SPAG16: variants seen among roughly 807,000 people sequenced by gnomAD.
The protein encoded by SPAG16 is sperm associated antigen 16.
A neutral mutation model predicts 80.4 loss-of-function variants in SPAG16; 86 were observed. That is an observed-to-expected ratio of 1.07 (90% confidence interval 0.90 to 1.28). SPAG16 has a LOEUF of 1.28. Ranked by LOEUF, SPAG16 falls within the 50% of genes most tolerant of loss-of-function variation. The pLI, the probability that SPAG16 is intolerant of heterozygous loss-of-function variation, is 0.00. For synonymous variants in SPAG16, 294 were observed against 265.9 expected, an observed-to-expected ratio of 1.11 and a Z score of -1.03; for missense variants, 870 against 765.3, an observed-to-expected ratio of 1.14 and a Z score of -1.61.
chr2:213,808,343 G>T (rs913959663), intron 10 of SPAG16, among the ~76,000 whole-genome samples: 5 of 152,090 alleles, frequency 3.3e-5, no homozygotes, highest in African/African-American at 1.2e-4. Flanking sequence ...CGAAAGAACA[G>T]CCACTCGTTT....
At chr2:214,134,370 C>A (rs1040315355) in intron 14 of SPAG16, among the ~76,000 whole-genome samples, 1 of 152,200 alleles carries the variant, frequency 6.6e-6, no homozygotes, top group Non-Finnish European at 1.5e-5. Context: ...CTAGTCTTGA[C>A]AGGCTATTTG....
intron 9 of SPAG16, among the ~76,000 whole-genome samples, chr2:213,478,240 C>A (rs936391565): frequency 1.3e-5 from 2 of 152,078 alleles, no homozygotes; most frequent in Admixed American, 6.6e-5. Flanking sequence ...TGGACTAATA[C>A]AGGGTTGTAT....
chr2:213,971,539 G>A (rs901441341), intron 12 of SPAG16, among the ~76,000 whole-genome samples: 6 of 152,050 alleles, frequency 3.9e-5, no homozygotes, highest in Non-Finnish European at 7.4e-5. Context: ...TAAACGTAGA[G>A]TTTTCAGTGG....
At chr2:214,023,676 G>A (rs1045152734) in intron 13 of SPAG16, among the ~76,000 whole-genome samples, 3 of 151,594 alleles carry the variant, frequency 2.0e-5, no homozygotes, top group Non-Finnish European at 4.4e-5. Context: ...ATGCTATAAG[G>A]CTTTCAAAGA....
At chr2:213,499,025 T>C (rs2125767501) in intron 10 of SPAG16, among the ~76,000 whole-genome samples, 1 of 152,284 alleles carries the variant, frequency 6.6e-6, no homozygotes, top group South Asian at 2.1e-4. Flanking sequence ...ATTTGTGCTT[T>C]AAAATCTTTA....
chr2:214,268,619 G>A (rs1215279681), intron 15 of SPAG16, among the ~76,000 whole-genome samples: 1 of 151,870 alleles, frequency 6.6e-6, no homozygotes, highest in Non-Finnish European at 1.5e-5. Flanking sequence ...GGGGCTGAAA[G>A]AAGAACCAAC....
intron 9 of SPAG16, among the ~76,000 whole-genome samples, chr2:213,461,236 T>C (rs938302166): frequency 4.6e-5 from 7 of 152,214 alleles, no homozygotes; most frequent in Non-Finnish European, 1.0e-4. Flanking sequence ...AATGCAGTTC[T>C]ACATTATTAA....
At chr2:214,071,228 A>G (rs1018099152) in intron 13 of SPAG16, among the ~76,000 whole-genome samples, 2 of 152,132 alleles carry the variant, frequency 1.3e-5, no homozygotes, top group African/African-American at 2.4e-5. Flanking sequence ...AAGATCTTCA[A>G]TAGCATCTCC....
At chr2:213,988,424 A>G (rs2046122288) in intron 12 of SPAG16, among the ~76,000 whole-genome samples, 1 of 152,134 alleles carries the variant, frequency 6.6e-6, no homozygotes, top group Non-Finnish European at 1.5e-5. Context: ...ACTGAATTAA[A>G]TTAGAAATCG....
chr2:213,809,157 T>G (rs2071963486), intron 10 of SPAG16, among the ~76,000 whole-genome samples: 1 of 152,206 alleles, frequency 6.6e-6, no homozygotes, highest in Non-Finnish European at 1.5e-5. Flanking sequence ...GAAGTGGCCT[T>G]GACAGTAAGG....
chr2:213,824,400 T>C (rs1181299698), intron 10 of SPAG16, among the ~76,000 whole-genome samples: 2 of 152,178 alleles, frequency 1.3e-5, no homozygotes, highest in Non-Finnish European at 2.9e-5. Flanking sequence ...CTTTAACCCA[T>C]TTATATTGAT....
chr2:213,468,294 C>G (rs2072820369), intron 9 of SPAG16, among the ~76,000 whole-genome samples: 1 of 150,848 alleles, frequency 6.6e-6, no homozygotes, highest in South Asian at 2.1e-4. Flanking sequence ...AAAGTGTTTC[C>G]TCCTCTATTC....
intron 11 of SPAG16, among the ~76,000 whole-genome samples, chr2:213,882,112 G>T (rs2076366350): frequency 1.3e-5 from 2 of 152,228 alleles, no homozygotes; most frequent in South Asian, 2.1e-4. Flanking sequence ...TTTTAATTCT[G>T]TTTATGTGTT....
At chr2:214,203,582 A>C (rs2058067501) in intron 15 of SPAG16, among the ~76,000 whole-genome samples, 1 of 152,150 alleles carries the variant, frequency 6.6e-6, no homozygotes, top group Non-Finnish European at 1.5e-5. Flanking sequence ...TCAGGGGATA[A>C]GGATTTGACC....
At chr2:213,391,290 T>A (rs1338693680) in intron 9 of SPAG16, among the ~76,000 whole-genome samples, 3 of 152,106 alleles carry the variant, frequency 2.0e-5, no homozygotes, top group Non-Finnish European at 4.4e-5. Flanking sequence ...AAATAAATGA[T>A]ACATAATATT....
In SPAG16 at chr2:213,855,496, AT is replaced by A. The variant is rs144802798; in HGVS notation, c.1071-6986del. ...GAACAGGAATATCTCATTTTATCGCATTTCACTTTGTTGCATTTCATAGTTA... is the reference window on the plus strand; with the variant it reads ...GAACAGGAATATCTCATTTTATCGCATTCACTTTGTTGCATTTCATAGTTA... On this transcript the variant is annotated intron_variant, in intron 10 of 15. Coordinates refer to ENST00000331683, the MANE Select transcript of SPAG16 (RefSeq NM_024532.5). 1.2e-4 allele frequency among the ~76,000 whole-genome samples: 18 copies of A among 152,340 alleles called. No homozygotes were observed. The East Asian group carries it at 3.3e-3, about 28-fold the overall frequency.
At chr2:214,259,221 AGTCT>A (rs1295890535) in intron 15 of SPAG16, among the ~76,000 whole-genome samples, 1 of 151,996 alleles carries the variant, frequency 6.6e-6, no homozygotes, top group East Asian at 1.9e-4. Flanking sequence ...TAAAACTACA[AGTCT>A]GTCTCTTTTC....
intron 13 of SPAG16, among the ~76,000 whole-genome samples, chr2:214,025,558 G>A (rs745534562): frequency 5.3e-5 from 8 of 151,658 alleles, no homozygotes; most frequent in South Asian, 4.1e-4. Flanking sequence ...TTTAGATACC[G>A]TTGATGAAAC....
chr2:214,060,659 G>C (rs994575166), intron 13 of SPAG16, among the ~76,000 whole-genome samples: 7 of 152,014 alleles, frequency 4.6e-5, no homozygotes, highest in Admixed American at 4.6e-4. Context: ...GGAATATTTA[G>C]CACTGTAAAG....
Sources: allele counts gnomAD v4.1 joint callset (sites outside exome capture counted in the v4.1 genomes callset), GRCh38; gene constraint gnomAD v4.1.1; transcripts MANE v1.5; gene names NCBI Gene and HGNC (gene_info 2026-07-23, HGNC 2026-07-21).